The following IQSEC1 variants were observed in gnomAD, a reference collection of about 807,000 sequenced individuals.
The protein encoded by IQSEC1 is IQ motif and Sec7 domain ArfGEF 1.
IQSEC1 carries 31 observed loss-of-function variants against 91.0 expected under a neutral mutation model. The ratio of observed to expected loss-of-function variants is 0.34; its 90% CI spans 0.26 to 0.46. IQSEC1 has a LOEUF of 0.46. Among genes scored for constraint, IQSEC1 ranks in the 20% least tolerant of loss-of-function variants. The pLI, the probability that IQSEC1 is intolerant of heterozygous loss-of-function variation, is 1.00. For synonymous variants in IQSEC1, 699 were observed against 662.6 expected, an observed-to-expected ratio of 1.05 and a Z score of -0.84; for missense variants, 1,388 against 1,575.6, an observed-to-expected ratio of 0.88 and a Z score of 2.02.
chr3:13,210,802 A>C (rs933413584), intron 1 of IQSEC1, among the ~76,000 whole-genome samples: 1 of 152,124 alleles, frequency 6.6e-6, no homozygotes, highest in African/African-American at 2.4e-5. Context: ...GGACACTCCT[A>C]GGGGAGAAGG....
chr3:12,986,920 TC>T, intron 1 of IQSEC1: 1 of 329,940 alleles, frequency 3.0e-6, no homozygotes, highest in Non-Finnish European at 6.1e-6. Flanking sequence ...CATTTTATTT[TC>T]CAGCTAGAGA....
At chr3:13,240,781 G>A (rs576150430) in intron 1 of IQSEC1, among the ~76,000 whole-genome samples, 2 of 152,322 alleles carry the variant, frequency 1.3e-5, no homozygotes, top group South Asian at 4.1e-4. Flanking sequence ...GGAGGATGCA[G>A]GTGCCAACAG....
chr3:13,249,029 C>T (rs1287567694), intron 1 of IQSEC1, among the ~76,000 whole-genome samples: 1 of 152,180 alleles, frequency 6.6e-6, no homozygotes, highest in African/African-American at 2.4e-5. Context: ...GAGGCTCTAC[C>T]TCCTGACTCA....
intron 13 of IQSEC1, 99 bp downstream of exon 13, chr3:12,902,669 CCAAAA>C (rs1174129264): frequency 9.1e-6 from 3 of 328,164 alleles, no homozygotes; most frequent in Non-Finnish European, 1.6e-5. Context: ...AAAAAAAAAA[CCAAAA>C]AAAAAAAAAA....
chr3:13,116,659 G>C (rs935636913), intron 2 of IQSEC1, among the ~76,000 whole-genome samples: 2 of 152,100 alleles, frequency 1.3e-5, no homozygotes, highest in Non-Finnish European at 2.9e-5. Flanking sequence ...TCAGCACTTC[G>C]GGAGGCCAAG....
At chr3:13,002,480 G>C (rs1472762380) in intron 1 of IQSEC1, among the ~76,000 whole-genome samples, 3 of 151,226 alleles carry the variant, frequency 2.0e-5, no homozygotes, top group Middle Eastern at 3.4e-3. Flanking sequence ...CCAGGAGTTC[G>C]AGACTGTAGG....
At chr3:13,130,198 G>T (rs1471677412) in intron 2 of IQSEC1, among the ~76,000 whole-genome samples, 1 of 151,422 alleles carries the variant, frequency 6.6e-6, no homozygotes, top group Non-Finnish European at 1.5e-5. Context: ...ACAAAAATTA[G>T]CCAGGTGTGG....
rs1312400133 is a variant in IQSEC1, at chr3:12,967,621, T to A, written c.24-25756A>T. 8.1e-7 allele frequency: 1 copy of A among 1,232,466 alleles called. No individual in the cohort carries two copies. The highest frequency in any genetic ancestry group is 1.6e-5 in the African/African-American group (1 of 63,102). The allele number at this position is 1,232,466 out of a possible 1,614,324, so 76.3% of individuals were successfully genotyped here. On this transcript the variant is annotated intron_variant, in intron 1 of 13. Coordinates refer to ENST00000613206, the MANE Select transcript of IQSEC1 (RefSeq NM_001134382.3). The surrounding 1 kb of genome is among the most constrained non-coding windows in gnomAD (Gnocchi z 5.9). ...GGCTCCTGGTCCAGCGTCCGCCGGC[T>A]CCCGCGGCTCCGGCCCCAAGTCCGA...
intron 1 of IQSEC1, among the ~76,000 whole-genome samples, chr3:12,949,342 ACCCTCTTC>A (rs1699388433): frequency 6.6e-6 from 1 of 152,164 alleles, no homozygotes; most frequent in African/African-American, 2.4e-5. Context: ...TGGCAAAGCC[ACCCTCTTC>A]AGAGGGGGCC....
chr3:12,932,696 G>A (rs1015532971), intron 3 of IQSEC1, among the ~76,000 whole-genome samples: 1 of 152,208 alleles, frequency 6.6e-6, no homozygotes, highest in South Asian at 2.1e-4. Context: ...GGTGCAGGCA[G>A]TGAGGCTCAG....
chr3:12,917,737 C>T (rs1343801875), intron 6 of IQSEC1, among the ~76,000 whole-genome samples: 1 of 152,214 alleles, frequency 6.6e-6, no homozygotes, highest in African/African-American at 2.4e-5. Flanking sequence ...CCTAAGTTTT[C>T]AGTTCTTTTG....
chr3:13,149,764 A>G (rs1706960817), intron 2 of IQSEC1, among the ~76,000 whole-genome samples: 1 of 152,130 alleles, frequency 6.6e-6, no homozygotes, highest in Non-Finnish European at 1.5e-5. Flanking sequence ...CCAGCCGCAA[A>G]GCTGGCTCCT....
chr3:13,200,155 CCAAA>C lies in IQSEC1; in HGVS notation c.273-36026_273-36023del, dbSNP rs796409849. ...CTCACATATGCCACATGCACACACA[CCAAA>C]CACACATACACACACATACAACACA... On this transcript the variant is annotated intron_variant, in intron 1 of 15. Coordinates refer to the IQSEC1 transcript ENST00000648114. Among the ~76,000 whole-genome samples the C allele has an allele frequency of 4.7e-3, 706 of 151,356 alleles. 5 individuals are homozygous for C. The highest frequency in any genetic ancestry group is 0.016 in the African/African-American group (662 of 41,086).
At chr3:12,957,511 T>C (rs531285592) in intron 1 of IQSEC1, among the ~76,000 whole-genome samples, 2 of 152,292 alleles carry the variant, frequency 1.3e-5, no homozygotes, top group African/African-American at 4.8e-5. Context: ...CAAATGGACT[T>C]AAATAAAGCA....
At chr3:13,079,995 G>C (rs1230223982) in intron 2 of IQSEC1, among the ~76,000 whole-genome samples, 2 of 152,250 alleles carry the variant, frequency 1.3e-5, no homozygotes, top group Non-Finnish European at 2.9e-5. Flanking sequence ...GTGGCCAGAA[G>C]CTTGTTAGGC....
chr3:13,123,132 A>G (rs1706451540), intron 2 of IQSEC1, among the ~76,000 whole-genome samples: 1 of 152,246 alleles, frequency 6.6e-6, no homozygotes, highest in South Asian at 2.1e-4. Context: ...CAAATGATTA[A>G]GATAAAATCC....
chr3:13,095,670 C>T (rs1001465911), intron 2 of IQSEC1, among the ~76,000 whole-genome samples: 29 of 152,080 alleles, frequency 1.9e-4, no homozygotes, highest in African/African-American at 6.3e-4. Context: ...TAGGAACTGG[C>T]GCTTGTAAAA....
chr3:13,216,773 A>C (rs1694558666), intron 1 of IQSEC1, among the ~76,000 whole-genome samples: 1 of 152,026 alleles, frequency 6.6e-6, no homozygotes, highest in Non-Finnish European at 1.5e-5. Context: ...ACCCGGATGC[A>C]CTCTCTTCCC....
intron 2 of IQSEC1, among the ~76,000 whole-genome samples, chr3:13,088,254 T>A (rs1576244203): frequency 6.6e-6 from 1 of 152,206 alleles, no homozygotes. Context: ...CAGATGAAAG[T>A]GGAGGGGGAA....
Sources: allele counts gnomAD v4.1 joint callset (sites outside exome capture counted in the v4.1 genomes callset), GRCh38; gene constraint gnomAD v4.1.1; non-coding constraint Gnocchi (gnomAD v3.1); transcripts MANE v1.5; gene names NCBI Gene and HGNC (gene_info 2026-07-23, HGNC 2026-07-21).